The following PCLO variants were observed in gnomAD, a reference collection of about 807,000 sequenced individuals.
The protein encoded by PCLO is protein piccolo.
In PCLO, 82 loss-of-function variants were observed where a neutral mutation model predicts 427.5. That is an observed-to-expected ratio of 0.19 (90% CI 0.16 to 0.23). The LOEUF is 0.23. Ranked by LOEUF, PCLO falls within the 10% of genes least tolerant of loss-of-function variation. The pLI is 1.00. For synonymous variants in PCLO, 2,357 were observed against 2,155.4 expected (o/e 1.09, Z -2.59); for missense variants, 6,239 against 6,115.9 (o/e 1.02, Z -0.67).
chr7:82,947,655 C>G (rs987078452), intron 6 of PCLO, among the ~76,000 whole-genome samples: 2 of 152,084 alleles, frequency 1.3e-5, no homozygotes, highest in Non-Finnish European at 2.9e-5. Context: ...ATGCATTTAA[C>G]TTGACCAACT....
At chr7:83,080,764 C>A (rs1231023585) in intron 3 of PCLO, among the ~76,000 whole-genome samples, 1 of 151,928 alleles carries the variant, frequency 6.6e-6, no homozygotes, top group Non-Finnish European at 1.5e-5. Context: ...TACAATGGTT[C>A]CCCCTTATCT....
At position 82,956,251 on chromosome 7, in the gene PCLO, C is replaced by T. The variant is rs941431608; in HGVS notation, c.4702G>A (p.Asp1568Asn). 2 of 1,611,900 alleles carry T rather than the reference C, an allele frequency of 1.2e-6. No individual in the cohort carries two copies. Among genetic ancestry groups the T allele is most frequent in the Admixed American group, 1.7e-5 (1 of 60,024 alleles). The change falls in exon 5 of 25, where the codon GAT becomes AAT. Residue 1568 changes from aspartate (D) to asparagine (N), a missense_variant. By Grantham distance (23) the Asp-to-Asn change is conservative (BLOSUM62 1). Around this residue, in one of 5 missense-constraint regions of PCLO, gnomAD observed 4,677 missense variants for 4,468.4 expected, o/e 1.05. Coordinates refer to ENST00000333891, the MANE Select transcript of PCLO (RefSeq NM_033026.6). ...TCATCATCTTCAGAACCTGAAGCAT[C>T]TTCATCAGCACTCATTTCTATGATT... The part of the protein sequence containing the change: ...KQIIEMSADE[D>N]ASGSEDDEFI...
intron 16 of PCLO, among the ~76,000 whole-genome samples, chr7:82,828,687 G>A (rs914764947): frequency 2.0e-5 from 3 of 152,040 alleles, no homozygotes; most frequent in Non-Finnish European, 4.4e-5. Flanking sequence ...TATTTTCAAA[G>A]CCTATCCTAA....
chr7:83,011,734 C>T (rs188236980), intron 3 of PCLO, among the ~76,000 whole-genome samples: 31 of 152,134 alleles, frequency 2.0e-4, no homozygotes, highest in African/African-American at 6.7e-4. Context: ...TGCTTTACAT[C>T]TGGTACACAC....
intron 3 of PCLO, among the ~76,000 whole-genome samples, chr7:83,103,335 G>A (rs1265453691): frequency 1.3e-5 from 2 of 151,766 alleles, no homozygotes; most frequent in South Asian, 2.1e-4. Context: ...CATGAGCTTC[G>A]TAGGGCTAGT....
rs936192478 is a variant in PCLO, at chr7:83,148,595, T to C, written c.1893+6153A>G. 8.6e-5 allele frequency among the ~76,000 whole-genome samples: 13 copies of C among 151,266 alleles called. No individual in the cohort carries two copies. In the East Asian group the frequency reaches 1.8e-3, roughly 20 times the overall value. On this transcript the variant is annotated intron_variant, in intron 2 of 24. Coordinates refer to ENST00000333891, the MANE Select transcript of PCLO (RefSeq NM_033026.6). ...TTTTTTAGACCATTAACTGAGTTCC[T>C]TTTTTTTTACCCTCAACCAGCCCAT...
At chr7:83,031,282 C>G (rs921405467) in intron 3 of PCLO, among the ~76,000 whole-genome samples, 1 of 152,186 alleles carries the variant, frequency 6.6e-6, no homozygotes, top group Non-Finnish European at 1.5e-5. Flanking sequence ...TTCCAAATAC[C>G]ACACTATTAG....
intron 22 of PCLO, among the ~76,000 whole-genome samples, chr7:82,770,661 A>G (rs1790628511): frequency 6.6e-6 from 1 of 151,896 alleles, no homozygotes; most frequent in South Asian, 2.1e-4. Flanking sequence ...GTGTATTAAC[A>G]TTACCCTGGA....
Position 83,010,451 on chromosome 7 carries a change from C to T in PCLO, c.3301-43964G>A, listed in dbSNP as rs180877982. On this transcript the variant is annotated intron_variant, in intron 3 of 24. Coordinates refer to ENST00000333891, the MANE Select transcript of PCLO (RefSeq NM_033026.6). ...TAGTTGACATCCAATTCAGGAAAAACTGAAATTATCCTTCACTTAAGACCA... is the reference window on the plus strand; with the variant it reads ...TAGTTGACATCCAATTCAGGAAAAATTGAAATTATCCTTCACTTAAGACCA... 2.6e-5 allele frequency among the ~76,000 whole-genome samples: 4 copies of T among 151,842 alleles called. No individual in the cohort carries two copies. In the East Asian group the frequency reaches 7.7e-4, roughly 29 times the overall value.
chr7:82,911,284 T>C (rs1371126284), intron 7 of PCLO, among the ~76,000 whole-genome samples: 1 of 152,134 alleles, frequency 6.6e-6, no homozygotes, highest in African/African-American at 2.4e-5. Context: ...TCTGCTTTTG[T>C]ATTGAATTTT....
chr7:82,878,872 T>C lies in PCLO; in HGVS notation c.13654+465A>G, dbSNP rs575909466. Reference sequence around the variant, plus strand: ...GGCTTGATATGTAAATTAATGATCATGACTGTGTTCCAATAAAACAGTATT... The same window carrying C: ...GGCTTGATATGTAAATTAATGATCACGACTGTGTTCCAATAAAACAGTATT... On this transcript the variant is annotated intron_variant, in intron 10 of 24. Transcript: ENST00000333891. 7.9e-5 allele frequency among the ~76,000 whole-genome samples: 12 copies of C among 152,324 alleles called. No homozygotes were observed. The South Asian group carries it at 2.1e-3, about 26-fold the overall frequency.
intron 3 of PCLO, among the ~76,000 whole-genome samples, chr7:83,000,045 CAAAAAACAAACAAAA>C (rs1388574346): frequency 2.4e-5 from 2 of 84,522 alleles, no homozygotes; most frequent in Admixed American, 2.7e-4. Context: ...TGCCAAAAAA[CAAAAAACAAACAAAA>C]AAAAAACCAC....
At chr7:82,780,069 G>T (rs1324649797) in intron 22 of PCLO, among the ~76,000 whole-genome samples, 1 of 152,078 alleles carries the variant, frequency 6.6e-6, no homozygotes, top group African/African-American at 2.4e-5. Flanking sequence ...CTCACTAAAA[G>T]TTCAGCTAAT....
chr7:82,780,162 T>C (rs553693444), intron 22 of PCLO, among the ~76,000 whole-genome samples: 126 of 152,336 alleles, frequency 8.3e-4, no homozygotes, highest in African/African-American at 3.0e-3. Context: ...ATGTGAATAG[T>C]GCCTCTTGAA....
intron 22 of PCLO, among the ~76,000 whole-genome samples, chr7:82,767,099 C>A (rs1430873676): frequency 6.6e-6 from 1 of 151,974 alleles, no homozygotes; most frequent in African/African-American, 2.4e-5. Context: ...GGCAGCAGCT[C>A]CAGATCTGCT....
At chr7:82,892,113 A>T (rs904832292) in intron 9 of PCLO, among the ~76,000 whole-genome samples, 4 of 152,088 alleles carry the variant, frequency 2.6e-5, no homozygotes, top group African/African-American at 9.7e-5. Context: ...GAGCCCGCAT[A>T]GCCAAGTCAA....
intron 2 of PCLO, among the ~76,000 whole-genome samples, chr7:83,144,227 G>T (rs536231141): frequency 9.2e-5 from 14 of 152,132 alleles, no homozygotes; most frequent in Non-Finnish European, 1.8e-4. Context: ...TTCAAGACCA[G>T]CCTGACCAAC....
chr7:83,157,479 T>G (rs1792331298), intron 1 of PCLO, among the ~76,000 whole-genome samples: 1 of 152,028 alleles, frequency 6.6e-6, no homozygotes, highest in African/African-American at 2.4e-5. Flanking sequence ...AAGTAGTTAA[T>G]TTTCAAGATA....
chr7:83,149,057 T>C (rs1375699176), intron 2 of PCLO, among the ~76,000 whole-genome samples: 1 of 152,316 alleles, frequency 6.6e-6, no homozygotes, highest in East Asian at 1.9e-4. Flanking sequence ...ATTCTTCTTT[T>C]TGAAGGTCCT....
Sources: allele counts gnomAD v4.1 joint callset (sites outside exome capture counted in the v4.1 genomes callset), GRCh38; gene constraint gnomAD v4.1.1; regional missense constraint gnomAD v4.1.1; transcripts MANE v1.5; gene names NCBI Gene and HGNC (gene_info 2026-07-23, HGNC 2026-07-21).